Variants in PRKG1 observed in about 807,000 individuals in gnomAD.
PRKG1 encodes protein kinase cGMP-dependent 1, also known as cGMP-dependent protein kinase 1.
A neutral mutation model predicts 88.1 loss-of-function variants in PRKG1; 35 were observed. The ratio of observed to expected loss-of-function variants is 0.40; its 90% CI spans 0.30 to 0.53. The LOEUF is 0.53. PRKG1 is among the 20% of genes least tolerant of loss of function. The pLI is 0.59. For missense variants in PRKG1, 540 were observed against 839.8 expected (o/e 0.64, Z 4.41); for synonymous variants, 303 against 292.5 (o/e 1.04, Z -0.37).
chr10:51,198,147 A>G (rs527875065), intron 2 of PRKG1, among the ~76,000 whole-genome samples: 9 of 152,266 alleles, frequency 5.9e-5, no homozygotes, highest in African/African-American at 1.7e-4. Flanking sequence ...TTTGGGCAGG[A>G]TAGTTGGGGT....
chr10:51,850,701 A>T (rs1449751003), intron 4 of PRKG1, among the ~76,000 whole-genome samples: 1 of 152,128 alleles, frequency 6.6e-6, no homozygotes, highest in East Asian at 1.9e-4. Flanking sequence ...AACCAACAGA[A>T]AGCAGATAGT....
intron 9 of PRKG1, among the ~76,000 whole-genome samples, chr10:52,164,530 C>T (rs1357175787): frequency 1.3e-5 from 2 of 151,902 alleles, no homozygotes; most frequent in Non-Finnish European, 2.9e-5. Flanking sequence ...CATACTTTTA[C>T]TTGAGAAGAC....
chr10:52,130,786 C>T (rs966534102), intron 7 of PRKG1, among the ~76,000 whole-genome samples: 24 of 152,202 alleles, frequency 1.6e-4, no homozygotes, highest in South Asian at 1.5e-3. Context: ...AAAGTGATAA[C>T]GAATTGAAAA....
At chr10:52,240,009 G>A (rs2132375923) in intron 9 of PRKG1, among the ~76,000 whole-genome samples, 1 of 152,228 alleles carries the variant, frequency 6.6e-6, no homozygotes, top group South Asian at 2.1e-4. Flanking sequence ...AGAAACCTTA[G>A]CAATGTGGAA....
chr10:51,989,963 C>G (rs1209915395), intron 5 of PRKG1, among the ~76,000 whole-genome samples: 1 of 151,814 alleles, frequency 6.6e-6, no homozygotes, highest in Non-Finnish European at 1.5e-5. Context: ...AATCTTTAAT[C>G]CCTTTTAAGT....
intron 5 of PRKG1, among the ~76,000 whole-genome samples, chr10:51,970,033 CACACACACACACACACA>C (rs1395863063): frequency 4.0e-5 from 6 of 148,882 alleles, no homozygotes; most frequent in East Asian, 2.0e-4. Context: ...CACACACACA[CACACACACACACACACA>C]CCCATATTTA....
At chr10:51,938,256 G>T (rs888651953) in intron 5 of PRKG1, among the ~76,000 whole-genome samples, 1 of 151,936 alleles carries the variant, frequency 6.6e-6, no homozygotes, top group East Asian at 1.9e-4. Flanking sequence ...TAAAATTGTT[G>T]TATTTCTTAT....
At chr10:51,825,423 A>T (rs74132447) in intron 4 of PRKG1, among the ~76,000 whole-genome samples, 1,933 of 152,318 alleles carry the variant, frequency 0.013, 53 homozygotes, top group African/African-American at 0.044. Context: ...AGGAAAAAGT[A>T]CAGTAGGTGT....
chr10:51,386,863 G>A (rs1317624462), intron 2 of PRKG1, among the ~76,000 whole-genome samples: 2 of 152,114 alleles, frequency 1.3e-5, no homozygotes, highest in Non-Finnish European at 2.9e-5. Context: ...ATGGTTACCT[G>A]CTTTGGAATA....
chr10:51,735,424 G>C (rs979097893), intron 3 of PRKG1, among the ~76,000 whole-genome samples: 2 of 152,062 alleles, frequency 1.3e-5, no homozygotes, highest in African/African-American at 4.8e-5. Flanking sequence ...GGAAGAAATG[G>C]ATTTTCCTCA....
chr10:52,277,349 C>T (rs1271728923), intron 12 of PRKG1, among the ~76,000 whole-genome samples: 1 of 152,100 alleles, frequency 6.6e-6, no homozygotes, highest in Non-Finnish European at 1.5e-5. Flanking sequence ...AAACCCCCAA[C>T]CTCCACCCTG....
rs544031872 is a variant in PRKG1 at position 52,068,396 on chromosome 10, C to T, written c.935+5765C>T. ...CAGTAGCCACCTTCCTTTCTTTCCC[C>T]TAACTTTTGAGTCTTCAGCATAGCA... On this transcript the variant is annotated intron_variant, in intron 7 of 17. Coordinates refer to ENST00000373980, the MANE Select transcript of PRKG1 (RefSeq NM_006258.4). Among the ~76,000 whole-genome samples the T allele has an allele frequency of 7.9e-5, 12 of 152,172 alleles. No individual in the cohort carries two copies. In the East Asian group the frequency reaches 1.7e-3, roughly 22 times the overall value.
rs1266086708 is a variant in PRKG1 at position 51,835,788 on chromosome 10, T to G, written c.698+31098T>G. Among the ~76,000 whole-genome samples, 2 of 152,194 alleles carry G rather than the reference T, an allele frequency of 1.3e-5. 1 individual carries two copies. Among genetic ancestry groups the G allele is most frequent in the South Asian group, 4.1e-4 (2 of 4,824 alleles). ...TTGCTGGATCATATGGTAGTTCTAT[T>G]TCAAATTTTTTGAGGAACCTCCATA... On this transcript the variant is annotated intron_variant, in intron 4 of 17. Transcript: ENST00000373980.
chr10:51,311,934 T>C, intron 2 of PRKG1, among the ~76,000 whole-genome samples: 1 of 152,132 alleles, frequency 6.6e-6, no homozygotes, highest in Non-Finnish European at 1.5e-5. Context: ...TGCAATGGCA[T>C]GATCTTGGCT....
intron 4 of PRKG1, among the ~76,000 whole-genome samples, chr10:51,878,110 T>C (rs987276121): frequency 6.6e-6 from 1 of 152,190 alleles, no homozygotes; most frequent in South Asian, 2.1e-4. Flanking sequence ...CTACCAAGTA[T>C]ATATTAGACA....
At chr10:51,373,605 CCT>C (rs1842747942) in intron 2 of PRKG1, among the ~76,000 whole-genome samples, 1 of 152,082 alleles carries the variant, frequency 6.6e-6, no homozygotes, top group Non-Finnish European at 1.5e-5. Context: ...CCTACCCTCC[CCT>C]GACAGTCCCT....
At chr10:51,731,198 GTCT>G (rs537183040) in intron 3 of PRKG1, among the ~76,000 whole-genome samples, 5 of 151,984 alleles carry the variant, frequency 3.3e-5, no homozygotes, top group Admixed American at 6.6e-5. Flanking sequence ...TTCTGATAAG[GTCT>G]TATATTGAGA....
chr10:51,403,960 C>A (rs1837833225), intron 2 of PRKG1, among the ~76,000 whole-genome samples: 1 of 151,950 alleles, frequency 6.6e-6, no homozygotes, highest in East Asian at 1.9e-4. Context: ...GATTCTTATC[C>A]CCTGTTAACA....
At chr10:51,293,032 C>A (rs1026066969) in intron 2 of PRKG1, among the ~76,000 whole-genome samples, 1 of 152,084 alleles carries the variant, frequency 6.6e-6, no homozygotes, top group African/African-American at 2.4e-5. Context: ...CATATTTGCT[C>A]TTACTTCTTT....
Sources: gnomAD v4.1 joint callset for allele counts (sites outside exome capture counted in the v4.1 genomes callset) on GRCh38, gnomAD v4.1.1 for gene constraint, MANE v1.5 for transcripts, NCBI Gene and HGNC (gene_info 2026-07-23, HGNC 2026-07-21) for gene names.